Variants in DOCK6 observed in about 807,000 individuals in gnomAD.
DOCK6 encodes dedicator of cytokinesis 6, also known as dedicator of cytokinesis protein 6.
A neutral mutation model predicts 230.3 loss-of-function variants in DOCK6; 167 were observed. The ratio of observed to expected loss-of-function variants is 0.73; its 90% CI spans 0.64 to 0.82. The LOEUF (loss-of-function observed/expected upper bound fraction) is 0.82. DOCK6 is among the 40% of genes least tolerant of loss of function. The pLI is 0.00. For synonymous variants in DOCK6, 1,148 were observed against 1,185.0 expected (o/e 0.97, Z 0.64); for missense variants, 2,598 against 2,825.8 (o/e 0.92, Z 1.83).
At chr19:11,246,488 T>A (rs918344875) in intron 7 of DOCK6, among the ~76,000 whole-genome samples, 1 of 152,168 alleles carries the variant, frequency 6.6e-6, no homozygotes, top group Non-Finnish European at 1.5e-5. Context: ...GATTTCACCA[T>A]GTTGGCCAGG....
Position 11,217,239 on chromosome 19 carries a change from GC to G in DOCK6, c.3702del (p.Pro1235HisfsTer27). ...APGSRASISQ[G>X]PPTASRAGCA... The stretch of plus-strand genomic sequence containing the variant: ...CAAGCCTCCCTACTCACCGTTGGTG[GC>G]CCCTGGGAGATGCTGGCCCGGGAGC... On this transcript the variant is annotated frameshift_variant, in exon 29 of 48. Coordinates refer to ENST00000294618, the MANE Select transcript of DOCK6 (RefSeq NM_020812.4). LOFTEE classifies it high-confidence loss of function. 1 of 1,612,282 alleles carries G rather than the reference GC, an allele frequency of 6.2e-7. No individual in the cohort carries two copies. The highest frequency in any genetic ancestry group is 8.5e-7 in the Non-Finnish European group (1 of 1,179,240).
intron 37 of DOCK6, among the ~76,000 whole-genome samples, chr19:11,210,811 G>C (rs1339664092): frequency 1.4e-5 from 2 of 146,988 alleles, no homozygotes; most frequent in Admixed American, 6.8e-5. Flanking sequence ...CTCCTCACCT[G>C]TTCATCTTCT....
In DOCK6 at chr19:11,242,057, T is replaced by TG. The variant is rs770699322; in HGVS notation, c.1630dup (p.His544ProfsTer54). On this transcript the variant is annotated frameshift_variant, in exon 14 of 48. Transcript: ENST00000294618. LOFTEE classifies it high-confidence loss of function. ...CCAGAGGCCGTACCTGTAGCTGGTA[T>TG]GGGGGGCATAGACTTCGCGGGCGGG... The TG allele has an allele frequency of 1.9e-6, 3 of 1,565,714 alleles. No homozygotes were observed. The highest frequency in any genetic ancestry group is 1.7e-6 in the Non-Finnish European group (2 of 1,164,874).
chr19:11,250,804 A>C, intron 6 of DOCK6, 70 bp downstream of exon 6: 1 of 1,446,044 alleles, frequency 6.9e-7, no homozygotes, highest in Admixed American at 1.9e-5. Flanking sequence ...GAAGCTATTG[A>C]ATAAACATGA....
intron 1 of DOCK6, among the ~76,000 whole-genome samples, chr19:11,258,821 A>C (rs529279568): frequency 6.7e-6 from 1 of 149,422 alleles, no homozygotes; most frequent in South Asian, 2.1e-4. Context: ...CAGTGGCGTG[A>C]TCTCAGCTCA....
Position 11,222,096 on chromosome 19 carries a change from G to A in DOCK6, c.3380+13C>T. ...TCCCACCTGTCCTGGGGCTAGACAG[G>A]AGCTCTGCTCACCCTTCAGCCTCAG... On this transcript the variant is annotated intron_variant, in intron 27 of 47. Coordinates refer to ENST00000294618, the MANE Select transcript of DOCK6 (RefSeq NM_020812.4). The surrounding 1 kb of genome is among the most constrained non-coding windows in gnomAD (Gnocchi z 4.0). 6.2e-7 allele frequency: 1 copy of A among 1,611,706 alleles called. No homozygotes were observed. Among genetic ancestry groups the A allele is most frequent in the East Asian group, 2.2e-5 (1 of 44,810 alleles).
intron 14 of DOCK6, chr19:11,239,989 G>A (rs1410916878): frequency 2.1e-5 from 33 of 1,551,270 alleles, no homozygotes; most frequent in African/African-American, 2.7e-5. Context: ...AGAGGAGTTC[G>A]TGTCTAGGGT....
At position 11,246,071 on chromosome 19, in the gene DOCK6, G is replaced by GTTT. The variant is rs910989677; in HGVS notation, c.807-196_807-194dup. On this transcript the variant is annotated intron_variant, in intron 7 of 47. Coordinates refer to ENST00000294618, the MANE Select transcript of DOCK6 (RefSeq NM_020812.4). ...ACTGAGGCACTGAAGTTTTTTGTTG[G>GTTT]TTTTTTTTTTTTTGAGACAGAGTCT... Among the ~76,000 whole-genome samples the GTTT allele has an allele frequency of 3.5e-5, 5 of 144,174 alleles. No individual in the cohort carries two copies. The Admixed American group carries it at 3.5e-4, about 10-fold the overall frequency. 94.6% of individuals were successfully genotyped at this position (144,174 alleles called of 152,430 possible).
Position 11,201,051 on chromosome 19 carries a change from G to T in DOCK6, c.5690C>A (p.Thr1897Lys), listed in dbSNP as rs371203988. ...TRIRVCHREE[T>K]VLTPVEVAIE... Reference sequence around the variant, plus strand: ...GGCCACCTCCACTGGCGTCAGCACCGTCTGTGGGGTAAGGGGAGGGGTGTG... The same window carrying T: ...GGCCACCTCCACTGGCGTCAGCACCTTCTGTGGGGTAAGGGGAGGGGTGTG... The change falls in exon 45 of 48, where the codon ACG becomes AAG. Residue 1897 changes from threonine to lysine, a missense_variant and splice_region_variant. By Grantham distance (78) the Thr-to-Lys change is moderately conservative. Coordinates refer to ENST00000294618, the MANE Select transcript of DOCK6 (RefSeq NM_020812.4). The surrounding 1 kb of genome is among the most constrained non-coding windows in gnomAD (Gnocchi z 4.3). The T allele has an allele frequency of 1.9e-6, 3 of 1,613,424 alleles. No homozygotes were observed. The highest frequency in any genetic ancestry group is 2.7e-5 in the African/African-American group (2 of 74,922).
chr19:11,200,915 C>G lies in DOCK6; in HGVS notation c.5826G>C (p.Val1942=). ...MVLQGSVGPT[V]NQGPLEVAQV... ...CCCCTTCCACCAGCCGTGCCTGGTT[C>G]ACGGTGGGCCCTACAGAGCCCTGAA... The change falls in exon 45 of 48, where the codon GTG becomes GTC. Residue 1942 remains valine (V), a synonymous_variant. Coordinates refer to ENST00000294618, the MANE Select transcript of DOCK6 (RefSeq NM_020812.4). This position sits in a 1 kb window ranked among gnomAD's most constrained non-coding sequence, Gnocchi z 4.3. 3 of 1,613,920 alleles carry G rather than the reference C, an allele frequency of 1.9e-6. No homozygotes were observed. In the East Asian group the frequency reaches 6.7e-5, roughly 36 times the overall value.
chr19:11,202,703 A>G lies in DOCK6; in HGVS notation c.5242T>C (p.Phe1748Leu), dbSNP rs1325111710. The G allele has an allele frequency of 1.2e-6, 2 of 1,613,874 alleles. No homozygotes were observed. The highest frequency in any genetic ancestry group is 3.3e-5 in the Admixed American group (2 of 60,026). Residue 1748 changes from phenylalanine (F) to leucine (L), a missense_variant, in exon 42 of 48, where the codon TTC (phenylalanine) becomes CTC (leucine). Phe to Leu is a conservative substitution (Grantham distance 22). Transcript: ENST00000294618. The surrounding 1 kb of genome is among the most constrained non-coding windows in gnomAD (Gnocchi z 5.3). The stretch of plus-strand genomic sequence containing the variant: ...AAGCCCACGCGGAAATACGTCCCGA[A>G]CACGCGCTGGGGCTGTGAGAAAGGG... ...MHQSSGWERVFGTYFRVGFYG... is the reference protein window; with the variant it reads ...MHQSSGWERVLGTYFRVGFYG...
At chr19:11,208,661 C>T in intron 39 of DOCK6, 25 bp downstream of exon 39, 2 of 1,601,956 alleles carry the variant, frequency 1.2e-6, no homozygotes, top group Non-Finnish European at 1.7e-6. Context: ...GCCCCCTCTC[C>T]TGCACCCAGT....
At position 11,214,559 on chromosome 19, in the gene DOCK6, G is replaced by A. The variant is rs35583018; in HGVS notation, c.4197C>T (p.Ile1399=). ...SLVVLDTLEI[I]VQTVMLSEAR... ...ATGCTGGATCAAGCCCTACCTGCAC[G>A]ATGATCTCCAGTGTGTCCAGAACCA... Residue 1399 remains isoleucine (I), a synonymous_variant, in exon 33 of 48, where the codon ATC becomes ATT. Transcript: ENST00000294618. 7.4e-4 allele frequency: 1,198 copies of A among 1,613,870 alleles called. 7 individuals are homozygous for A. In the African/African-American group the frequency reaches 0.012, roughly 16 times the overall value.
chr19:11,201,841 A>C lies in DOCK6; in HGVS notation c.5688+48T>G. 1.3e-6 allele frequency: 1 copy of C among 794,796 alleles called. No individual in the cohort carries two copies. The highest frequency in any genetic ancestry group is 2.0e-6 in the Non-Finnish European group (1 of 505,560). 49.2% of individuals were successfully genotyped at this position (794,796 alleles called of 1,614,324 possible). On this transcript the variant is annotated intron_variant, in intron 44 of 47. Transcript: ENST00000294618. This position sits in a 1 kb window ranked among gnomAD's most constrained non-coding sequence, Gnocchi z 4.3. ...CCCTCCCCTCCCCTCCCAGGGTCTG[A>C]TGTCCCCTCACCTCCCCACCCCCGC... is the stretch of plus-strand genomic sequence containing the variant.
intron 14 of DOCK6, chr19:11,241,722 G>T (rs1401853642): frequency 2.5e-6 from 4 of 1,572,506 alleles, no homozygotes; most frequent in South Asian, 1.2e-5. Context: ...CAATCATGCT[G>T]CAAGGAACAC....
intron 34 of DOCK6, among the ~76,000 whole-genome samples, chr19:11,213,635 C>G (rs1196889304): frequency 7.2e-6 from 1 of 138,126 alleles, no homozygotes; most frequent in Non-Finnish European, 1.5e-5. Flanking sequence ...TTTTTTGAGA[C>G]GGAGTTTTGC....
Position 11,243,643 on chromosome 19 carries a change from C to A in DOCK6, c.1172G>T (p.Arg391Leu), listed in dbSNP as rs956831332. ...EQFCTRLGRYRMPFAWTAVHL... is the reference protein window; with the variant it reads ...EQFCTRLGRYLMPFAWTAVHL... ...CACGGCCGTCCAGGCGAAGGGCATGCGGTAGCGGCCCAGGCGGGTGCAGAA... is the reference window on the plus strand; with the variant it reads ...CACGGCCGTCCAGGCGAAGGGCATGAGGTAGCGGCCCAGGCGGGTGCAGAA... The change falls in exon 11 of 48, where the codon CGC becomes CTC. Residue 391 changes from arginine (R) to leucine (L), a missense_variant. By Grantham distance (102) the Arg-to-Leu change is moderately radical. Coordinates refer to ENST00000294618, the MANE Select transcript of DOCK6 (RefSeq NM_020812.4). The surrounding 1 kb of genome is among the most constrained non-coding windows in gnomAD (Gnocchi z 6.3). 6.2e-7 allele frequency: 1 copy of A among 1,612,668 alleles called. No homozygotes were observed. The highest frequency in any genetic ancestry group is 8.5e-7 in the Non-Finnish European group (1 of 1,179,734).
rs372106818 is a variant in DOCK6, at chr19:11,202,003, C to T, written c.5574G>A (p.Pro1858=). 6.2e-5 allele frequency: 100 copies of T among 1,614,020 alleles called. No individual in the cohort carries two copies. The African/African-American group carries it at 8.8e-4, about 14-fold the overall frequency. Residue 1858 remains proline, a synonymous_variant, in exon 44 of 48, where the codon CCG becomes CCA. Coordinates refer to ENST00000294618, the MANE Select transcript of DOCK6 (RefSeq NM_020812.4). The surrounding 1 kb of genome is among the most constrained non-coding windows in gnomAD (Gnocchi z 5.3). Reference sequence around the variant, plus strand: ...GCAGCTCCCCGTGTGCGCGCCCATCCGGCGTGAACGGCGTGCAGAACAGGA... The same window carrying T: ...GCAGCTCCCCGTGTGCGCGCCCATCTGGCGTGAACGGCGTGCAGAACAGGA... The part of the protein sequence containing the change: ...RTFLFCTPFT[P]DGRAHGELPE...
chr19:11,233,220 G>A lies in DOCK6; in HGVS notation c.2701C>T (p.Arg901Cys), dbSNP rs746468996. The change falls in exon 22 of 48, where the codon CGC (arginine) becomes TGC (cysteine). Residue 901 changes from arginine to cysteine, a missense_variant. Transcript: ENST00000294618. Reference protein sequence around the residue: ...APGSVDDEVSRILASKLLHEE... With the variant: ...APGSVDDEVSCILASKLLHEE... ...TGCCCTACCTTGCTGGCCAGGATGC[G>A]GGAAACCTCGTCATCCACAGAGCCA... The A allele has an allele frequency of 3.0e-5, 48 of 1,613,358 alleles. 1 individual carries two copies. Among genetic ancestry groups the A allele is most frequent in the South Asian group, 6.6e-5 (6 of 91,044 alleles).
Sources: gnomAD v4.1 joint callset for allele counts (sites outside exome capture counted in the v4.1 genomes callset) on GRCh38, gnomAD v4.1.1 for gene constraint, Gnocchi (gnomAD v3.1) non-coding constraint, MANE v1.5 for transcripts, NCBI Gene and HGNC (gene_info 2026-07-23, HGNC 2026-07-21) for gene names.